The following LRRC28 variants were observed in gnomAD, a reference collection of about 807,000 sequenced individuals.
LRRC28 encodes leucine rich repeat containing 28.
Under a neutral mutation model 45.7 loss-of-function variants are expected in LRRC28, and 39 were observed. The observed-to-expected ratio is 0.85, with a 90% CI of 0.66 to 1.12. The LOEUF (loss-of-function observed/expected upper bound fraction) is 1.12. LRRC28 is among the 50% of genes most tolerant of loss of function. The probability of loss-of-function intolerance (pLI) is 0.00; values close to 1 mark genes in which losing one functional copy is unlikely to be tolerated. For missense variants in LRRC28, 435 were observed against 438.5 expected, an observed-to-expected ratio of 0.99 and a Z score of 0.07; for synonymous variants, 206 against 178.8, an observed-to-expected ratio of 1.15 and a Z score of -1.22.
intron 3 of LRRC28, among the ~76,000 whole-genome samples, chr15:99,279,533 T>G (rs1038662210): frequency 3.3e-5 from 5 of 152,224 alleles, no homozygotes; most frequent in African/African-American, 1.2e-4. Context: ...TTGACAGTTC[T>G]CTGAGAAGGA....
chr15:99,270,106 G>A (rs1250530446), intron 2 of LRRC28, among the ~76,000 whole-genome samples: 1 of 152,176 alleles, frequency 6.6e-6, no homozygotes, highest in African/African-American at 2.4e-5. Context: ...ATCTGGACAC[G>A]TGGTATTTAA....
At chr15:99,290,662 C>T (rs946946260) in intron 5 of LRRC28, among the ~76,000 whole-genome samples, 1 of 151,904 alleles carries the variant, frequency 6.6e-6, no homozygotes, top group Non-Finnish European at 1.5e-5. Context: ...ACAAAAAATA[C>T]AATTCTGCCA....
chr15:99,338,905 G>A (rs557241473), intron 6 of LRRC28, among the ~76,000 whole-genome samples: 1 of 152,168 alleles, frequency 6.6e-6, no homozygotes, highest in African/African-American at 2.4e-5. Flanking sequence ...GGAAGAAAAG[G>A]ATGTTCCTAT....
At chr15:99,319,473 T>C (rs544590521) in intron 5 of LRRC28, among the ~76,000 whole-genome samples, 1 of 152,286 alleles carries the variant, frequency 6.6e-6, no homozygotes, top group East Asian at 1.9e-4. Context: ...CTGAAAAAGA[T>C]AAATGCCATT....
intron 1 of LRRC28, among the ~76,000 whole-genome samples, chr15:99,252,604 C>T (rs141087133): frequency 1.3e-5 from 2 of 152,326 alleles, no homozygotes; most frequent in Non-Finnish European, 2.9e-5. Context: ...CTCTACAAAA[C>T]GGGCTACATA....
At chr15:99,288,054 G>C in intron 5 of LRRC28, 103 bp downstream of exon 5, 1 of 1,157,022 alleles carries the variant, frequency 8.6e-7, no homozygotes, top group Non-Finnish European at 1.1e-6. Context: ...GTATTTATAA[G>C]TATTTGTCCA....
At chr15:99,382,965 G>C (rs1438098477) in intron 9 of LRRC28, among the ~76,000 whole-genome samples, 2 of 151,898 alleles carry the variant, frequency 1.3e-5, no homozygotes, top group African/African-American at 4.8e-5. Context: ...CAGCTTTATT[G>C]AGATAATTCA....
At chr15:99,358,063 T>C (rs898891630) in intron 7 of LRRC28, among the ~76,000 whole-genome samples, 11 of 152,222 alleles carry the variant, frequency 7.2e-5, no homozygotes, top group African/African-American at 2.6e-4. Flanking sequence ...ACTCAAGATA[T>C]GCTACCAAAA....
At chr15:99,261,031 A>C (rs1351906466) in intron 2 of LRRC28, among the ~76,000 whole-genome samples, 1 of 152,046 alleles carries the variant, frequency 6.6e-6, no homozygotes, top group African/African-American at 2.4e-5. Flanking sequence ...CCTGTTGCTG[A>C]GAAGAGAAGT....
chr15:99,352,579 A>T, intron 7 of LRRC28, 108 bp downstream of exon 7: 2 of 802,766 alleles, frequency 2.5e-6, no homozygotes, highest in Non-Finnish European at 4.0e-6. Flanking sequence ...GTATCCTTAG[A>T]AACTAAGGAT....
chr15:99,287,232 T>G (rs2081981422), intron 3 of LRRC28, 25 bp from the exon 4 acceptor site: 1 of 1,562,028 alleles, frequency 6.4e-7, no homozygotes, highest in Non-Finnish European at 8.7e-7. Context: ...TGATAATGGC[T>G]GTTTTTTTTC....
At chr15:99,273,886 CT>C (rs1237522646) in intron 2 of LRRC28, among the ~76,000 whole-genome samples, 1 of 152,160 alleles carries the variant, frequency 6.6e-6, no homozygotes, top group Non-Finnish European at 1.5e-5. Flanking sequence ...CAAATCTTTC[CT>C]TTTTATAGGA....
chr15:99,306,663 T>C (rs1955192719), intron 5 of LRRC28, among the ~76,000 whole-genome samples: 1 of 152,184 alleles, frequency 6.6e-6, no homozygotes, highest in African/African-American at 2.4e-5. Context: ...TGCTTCTGTG[T>C]GAGGAAATGA....
intron 5 of LRRC28, among the ~76,000 whole-genome samples, chr15:99,304,185 G>A (rs1167474389): frequency 6.6e-6 from 1 of 152,338 alleles, no homozygotes; most frequent in East Asian, 1.9e-4. Context: ...TGGCAGAGTT[G>A]AGTAGTTGTG....
chr15:99,332,137 AT>A (rs2152292136), intron 5 of LRRC28: 1 of 152,048 alleles, frequency 6.6e-6, no homozygotes, highest in East Asian at 1.9e-4. Context: ...AAACACGATG[AT>A]TCTTCCTCAT....
At chr15:99,277,715 T>G (rs920350898) in intron 3 of LRRC28, among the ~76,000 whole-genome samples, 1 of 152,198 alleles carries the variant, frequency 6.6e-6, no homozygotes, top group Non-Finnish European at 1.5e-5. Flanking sequence ...TCCTTTTGTA[T>G]GTATGTATAT....
Position 99,334,549 on chromosome 15 carries a change from T to C in LRRC28, c.592+420T>C, listed in dbSNP as rs550117059. 5.3e-5 allele frequency among the ~76,000 whole-genome samples: 8 copies of C among 152,216 alleles called. No individual in the cohort carries two copies. The South Asian group carries it at 1.7e-3, about 32-fold the overall frequency. On this transcript the variant is annotated intron_variant, in intron 6 of 9. Transcript: ENST00000301981. The stretch of plus-strand genomic sequence containing the variant: ...TATTGGGTATCCTAATAATTAATAT[T>C]GCCAGATAACCAGATTATAAAACTT...
chr15:99,258,362 A>G, intron 2 of LRRC28: 1 of 1,253,510 alleles, frequency 8.0e-7, no homozygotes, highest in East Asian at 2.3e-5. Context: ...AACGACCATT[A>G]CCCTTGTCTT....
chr15:99,358,883 G>T (rs1334346026), intron 7 of LRRC28, among the ~76,000 whole-genome samples: 7 of 152,078 alleles, frequency 4.6e-5, no homozygotes, highest in Non-Finnish European at 1.5e-5. Context: ...TTCAAGACCA[G>T]CCTGACCAAC....
Sources: gnomAD v4.1 joint callset for allele counts (sites outside exome capture counted in the v4.1 genomes callset) on GRCh38, gnomAD v4.1.1 for gene constraint, MANE v1.5 for transcripts, NCBI Gene and HGNC (gene_info 2026-07-23, HGNC 2026-07-21) for gene names.